Variants in MEI4 observed in about 807,000 individuals in gnomAD.
The protein encoded by MEI4 is meiosis-specific protein MEI4.
In MEI4, 27 loss-of-function variants were observed where a neutral mutation model predicts 31.4. The observed-to-expected ratio is 0.86, with a 90% CI of 0.63 to 1.19. MEI4 has a LOEUF of 1.19. Among genes scored for constraint, MEI4 ranks in the 50% most tolerant of loss-of-function variants. The pLI is 0.00. For missense variants in MEI4, 329 were observed against 398.9 expected (o/e 0.82, Z 1.49); for synonymous variants, 122 against 145.4 (o/e 0.84, Z 1.16).
intron 4 of MEI4, among the ~76,000 whole-genome samples, chr6:77,916,715 T>C (rs1039076453): frequency 6.6e-6 from 1 of 152,066 alleles, no homozygotes; most frequent in Non-Finnish European, 1.5e-5. Context: ...ATTCAAGTTT[T>C]ATTATGAGAT....
At chr6:77,761,789 T>C (rs1416774866) in intron 3 of MEI4, 124 bp downstream of exon 3, 5 of 505,708 alleles carry the variant, frequency 9.9e-6, no homozygotes, top group African/African-American at 4.0e-5. Flanking sequence ...GGTCTTTTTC[T>C]GCAGCTGTCT....
In MEI4 at chr6:77,685,883, T is replaced by C. The variant is rs550015707; in HGVS notation, c.-14-4775T>C. Among the ~76,000 whole-genome samples, 4 of 152,268 alleles carry C rather than the reference T, an allele frequency of 2.6e-5. No individual in the cohort carries two copies. The East Asian group carries it at 7.7e-4, about 29-fold the overall frequency. ...TGTGACAGTTTGGGAACTATAGTGA[T>C]ATGGTTTTGATATTTGTCCCCTCCA... is the stretch of plus-strand genomic sequence containing the variant. On this transcript the variant is annotated intron_variant, in intron 1 of 4. Coordinates refer to ENST00000684080, the MANE Select transcript of MEI4 (RefSeq NM_001322247.2).
chr6:77,792,852 A>G (rs1354683547), intron 3 of MEI4, among the ~76,000 whole-genome samples: 1 of 152,004 alleles, frequency 6.6e-6, no homozygotes, highest in Non-Finnish European at 1.5e-5. Context: ...AGCTGGGACT[A>G]CAGGTGCACG....
chr6:77,661,996 G>A (rs1255038141), intron 1 of MEI4, among the ~76,000 whole-genome samples: 17 of 152,268 alleles, frequency 1.1e-4, no homozygotes, highest in East Asian at 3.9e-4. Context: ...GAAGTAAAGC[G>A]GCCTTGAGCA....
chr6:77,913,830 G>A (rs1225874109), intron 4 of MEI4, among the ~76,000 whole-genome samples: 1 of 151,172 alleles, frequency 6.6e-6, no homozygotes, highest in East Asian at 2.0e-4. Flanking sequence ...TCAGGAGATT[G>A]AGACCATCCT....
chr6:77,749,936 C>T (rs888127069), intron 2 of MEI4, among the ~76,000 whole-genome samples: 1 of 152,186 alleles, frequency 6.6e-6, no homozygotes, highest in Non-Finnish European at 1.5e-5. Context: ...AGAAATCCTA[C>T]AAGCCAGAAG....
chr6:77,799,116 C>A (rs371064205), intron 3 of MEI4, among the ~76,000 whole-genome samples: 23 of 152,202 alleles, frequency 1.5e-4, no homozygotes, highest in Middle Eastern at 3.4e-3. Flanking sequence ...CCAGCAGTGT[C>A]AAAGTGTTCC....
chr6:77,850,023 G>T (rs1489912560), intron 4 of MEI4, among the ~76,000 whole-genome samples: 1 of 150,294 alleles, frequency 6.7e-6, no homozygotes, highest in African/African-American at 2.5e-5. Flanking sequence ...GTTCAAATTA[G>T]TTAGGCATGT....
At chr6:77,722,348 T>C (rs1190341215) in intron 2 of MEI4, among the ~76,000 whole-genome samples, 2 of 149,266 alleles carry the variant, frequency 1.3e-5, no homozygotes, top group South Asian at 4.2e-4. Flanking sequence ...TGCTAATAAA[T>C]GTAAAGCCTC....
intron 2 of MEI4, among the ~76,000 whole-genome samples, chr6:77,731,949 A>G (rs1404437150): frequency 2.0e-5 from 3 of 148,242 alleles, no homozygotes; most frequent in East Asian, 2.0e-4. Flanking sequence ...CATATGCGGC[A>G]TTATTTCTGA....
intron 3 of MEI4, among the ~76,000 whole-genome samples, chr6:77,802,106 A>G (rs1162632396): frequency 1.3e-5 from 2 of 152,132 alleles, no homozygotes; most frequent in African/African-American, 4.8e-5. Context: ...TGGGAGTCTA[A>G]GTCTCTTTGT....
At chr6:77,652,713 G>A (rs1198490387), upstream of MEI4, among the ~76,000 whole-genome samples, 4 of 152,114 alleles carry the variant, frequency 2.6e-5, no homozygotes, top group Non-Finnish European at 4.4e-5. Flanking sequence ...CTAGAATCCA[G>A]CTGGCTTATC....
At chr6:77,889,211 A>AGGCAGAG (rs1210067819) in intron 4 of MEI4, among the ~76,000 whole-genome samples, 1 of 152,198 alleles carries the variant, frequency 6.6e-6, no homozygotes. Context: ...ACTGGGTAAT[A>AGGCAGAG]GGCAGAGGTT....
chr6:77,698,306 C>G (rs1346889085), intron 2 of MEI4, among the ~76,000 whole-genome samples: 1 of 152,128 alleles, frequency 6.6e-6, no homozygotes, highest in Non-Finnish European at 1.5e-5. Context: ...TTGATCCTGT[C>G]AGTATGATGT....
chr6:77,674,060 A>G (rs1768796435), intron 1 of MEI4, among the ~76,000 whole-genome samples: 1 of 152,214 alleles, frequency 6.6e-6, no homozygotes, highest in South Asian at 2.1e-4. Context: ...TTCAGGTAGA[A>G]CTGAAATGTA....
rs1175269093 is a variant in MEI4, at chr6:77,926,113, C to G, written c.*2767C>G. On this transcript the variant is annotated 3_prime_UTR_variant, in exon 5 of 5. Transcript: ENST00000684080. ...TTACTGCACTGCCTGTTATGTGCAG[C>G]TCTCCTGGCACTTCAGTAAACTTTC... 1 of 151,922 alleles carries G rather than the reference C, an allele frequency of 6.6e-6. No individual in the cohort carries two copies. The highest frequency in any genetic ancestry group is 1.5e-5 in the Non-Finnish European group (1 of 67,950). The allele number at this position is 151,922 out of a possible 1,614,324, so 9.4% of individuals were successfully genotyped here. A position where few individuals can be genotyped will look rare whatever the true frequency, so the allele number is the denominator to read the frequency against.
chr6:77,917,861 G>A (rs939858177), intron 4 of MEI4, among the ~76,000 whole-genome samples: 2 of 147,756 alleles, frequency 1.4e-5, no homozygotes, highest in African/African-American at 5.1e-5. Context: ...GTCCTGAATG[G>A]TAATGCCTAG....
chr6:77,906,967 C>T (rs1766310315), intron 4 of MEI4, among the ~76,000 whole-genome samples: 1 of 151,840 alleles, frequency 6.6e-6, no homozygotes. Context: ...TGACTGTGCA[C>T]TACAGCGTCT....
intron 4 of MEI4, among the ~76,000 whole-genome samples, chr6:77,919,143 C>A (rs533720348): frequency 2.0e-5 from 3 of 151,856 alleles, no homozygotes; most frequent in African/African-American, 7.3e-5. Context: ...CTGCACCAAG[C>A]GGACCTAATA....
Sources: gnomAD v4.1 joint callset for allele counts (sites outside exome capture counted in the v4.1 genomes callset) on GRCh38, gnomAD v4.1.1 for gene constraint, MANE v1.5 for transcripts, NCBI Gene and HGNC (gene_info 2026-07-23, HGNC 2026-07-21) for gene names.